ZSWIM4: variants seen among roughly 807,000 people sequenced by gnomAD.
ZSWIM4 encodes zinc finger SWIM domain-containing protein 4.
In ZSWIM4, 62 loss-of-function variants were observed where a neutral mutation model predicts 102.5. The ratio of observed to expected loss-of-function variants is 0.60; its 90% CI spans 0.49 to 0.75. The LOEUF (loss-of-function observed/expected upper bound fraction) is 0.75, where lower values mean the gene tolerates loss of function less well. ZSWIM4 is among the 30% of genes least tolerant of loss of function. The pLI is 0.00. For synonymous variants in ZSWIM4, 652 were observed against 674.5 expected, an observed-to-expected ratio of 0.97 and a Z score of 0.52; for missense variants, 1,280 against 1,529.6, an observed-to-expected ratio of 0.84 and a Z score of 2.72.
chr19:13,811,979 G>A (rs1041202779), intron 5 of ZSWIM4, among the ~76,000 whole-genome samples: 4 of 152,010 alleles, frequency 2.6e-5, no homozygotes, highest in Non-Finnish European at 5.9e-5. Context: ...GGAGGCTGAG[G>A]CAGGAGAATC....
rs34724629 is a variant in ZSWIM4, at chr19:13,832,230, C to CAAAAAAAAAAAA, written c.*1193_*1204dup. On this transcript the variant is annotated 3_prime_UTR_variant, in exon 14 of 14. Coordinates refer to ENST00000590508, the MANE Select transcript of ZSWIM4 (RefSeq NM_001367834.3). ...CACACCCTCAACCTCGTTTCCTCCGCAAAAAAAAAAAAAAAAAAAAAAAAT... is the reference window on the plus strand; with the variant it reads ...CACACCCTCAACCTCGTTTCCTCCGCAAAAAAAAAAAAAAAAAAAAAAAAAAAAAAAAAAAAT... 9 of 55,280 alleles carry CAAAAAAAAAAAA rather than the reference C, an allele frequency of 1.6e-4. 1 individual carries two copies. The highest frequency in any genetic ancestry group is 5.1e-4 in the African/African-American group (7 of 13,690). 3.4% of individuals were successfully genotyped at this position (55,280 alleles called of 1,614,324 possible).
chr19:13,800,805 A>G (rs2594720), intron 2 of ZSWIM4, among the ~76,000 whole-genome samples: 68,078 of 151,896 alleles, frequency 0.45, 18,594 homozygotes, highest in African/African-American at 0.78. Context: ...AACCAGAAAC[A>G]GGGGAGGAGA....
At position 13,808,992 on chromosome 19, in the gene ZSWIM4, G is replaced by GCGGGC. The variant is rs1568332040; in HGVS notation, c.861+12_861+16dup. Reference sequence around the variant, plus strand: ...CGCTCCATGTTCAGCAAGGTGCCGTGCGGGCCGGCGGGGCGCGGGGTGCAG... The same window carrying GCGGGC: ...CGCTCCATGTTCAGCAAGGTGCCGTGCGGGCCGGGCCGGCGGGGCGCGGGGTGCAG... On this transcript the variant is annotated intron_variant, in intron 4 of 13. Coordinates refer to ENST00000590508, the MANE Select transcript of ZSWIM4 (RefSeq NM_001367834.3). 1.4e-5 allele frequency: 23 copies of GCGGGC among 1,610,072 alleles called. No homozygotes were observed. The highest frequency in any genetic ancestry group is 1.9e-5 in the Non-Finnish European group (22 of 1,177,592).
intron 10 of ZSWIM4, among the ~76,000 whole-genome samples, chr19:13,821,708 C>G (rs1324337276): frequency 6.7e-6 from 1 of 148,692 alleles, no homozygotes; most frequent in Non-Finnish European, 1.5e-5. Flanking sequence ...TGTCACCATG[C>G]CTGGCTAGTT....
chr19:13,815,728 C>G (rs773222619), intron 7 of ZSWIM4, among the ~76,000 whole-genome samples: 1 of 151,550 alleles, frequency 6.6e-6, no homozygotes, highest in Admixed American at 6.6e-5. Flanking sequence ...CCTCAGCCTC[C>G]CAAAGTGCTG....
In ZSWIM4 at chr19:13,808,974, T is replaced by C. The variant is rs760461065; in HGVS notation, c.851T>C (p.Met284Thr). ...YYGASQQLRS[M>T]FSKVREMLRM... is the part of the protein sequence containing the mutation. ...GGGGCCAGCCAGCAGCTGCGCTCCA[T>C]GTTCAGCAAGGTGCCGTGCGGGCCG... Residue 284 changes from methionine (M) to threonine (T), a missense_variant, in exon 4 of 14, where the codon ATG becomes ACG. Coordinates refer to ENST00000590508, the MANE Select transcript of ZSWIM4 (RefSeq NM_001367834.3). 4.3e-6 allele frequency: 7 copies of C among 1,611,402 alleles called. No individual in the cohort carries two copies. The highest frequency in any genetic ancestry group is 1.1e-5 in the South Asian group (1 of 90,830).
chr19:13,812,937 G>C, intron 5 of ZSWIM4, 60 bp from the exon 6 acceptor site: 1 of 1,534,260 alleles, frequency 6.5e-7, no homozygotes, highest in Non-Finnish European at 8.9e-7. Context: ...TGGGCACTGC[G>C]GAAGTGTGTG....
rs202144110 is a variant in ZSWIM4, at chr19:13,825,629, G to T, written c.2295G>T (p.Ala765=). Reference sequence around the variant, plus strand: ...CTCCGGCCCTGCTCTTTAAGCTGGCGCAGGACGCCTGCAAGACAGCCACCC... The same window carrying T: ...CTCCGGCCCTGCTCTTTAAGCTGGCTCAGGACGCCTGCAAGACAGCCACCC... ...IHSPALLFKL[A]QDACKTATPV... is the part of the protein sequence containing the mutation. The change falls in exon 12 of 14, where the codon GCG becomes GCT. Residue 765 remains alanine (A), a synonymous_variant. Transcript: ENST00000590508. The surrounding 1 kb of genome is among the most constrained non-coding windows in gnomAD (Gnocchi z 4.6). 7.4e-6 allele frequency: 12 copies of T among 1,613,914 alleles called. No homozygotes were observed. The highest frequency in any genetic ancestry group is 1.7e-6 in the Non-Finnish European group (2 of 1,180,046).
At chr19:13,798,200 A>G (rs1216155130) in intron 1 of ZSWIM4, among the ~76,000 whole-genome samples, 1 of 152,046 alleles carries the variant, frequency 6.6e-6, no homozygotes, top group African/African-American at 2.4e-5. Flanking sequence ...GCGCAATGAC[A>G]CAATCATAAC....
intron 6 of ZSWIM4, 37 bp from the exon 7 acceptor site, chr19:13,814,478 C>A (rs1450368631): frequency 4.5e-6 from 5 of 1,106,956 alleles, no homozygotes; most frequent in Admixed American, 4.2e-5. Flanking sequence ...CTATAGGGAC[C>A]CCCCCTCACT....
chr19:13,816,243 G>A (rs554312707), intron 7 of ZSWIM4, among the ~76,000 whole-genome samples: 13 of 152,098 alleles, frequency 8.5e-5, no homozygotes, highest in African/African-American at 1.4e-4. Flanking sequence ...CCTGGGACCC[G>A]AGCAGAGCTC....
chr19:13,808,835 G>GGTGCCCCA lies in ZSWIM4; in HGVS notation c.714_721dup (p.Asp241ValfsTer28). On this transcript the variant is annotated frameshift_variant and splice_region_variant. Transcript: ENST00000590508. LOFTEE classifies it high-confidence loss of function. The stretch of plus-strand genomic sequence containing the variant: ...AGCTTCCTTTCCCTCCCTCCCGGCA[G>GGTGCCCCA]GTGCCCCAGACCCCACCGCCGGCGC... The GGTGCCCCA allele has an allele frequency of 6.3e-7, 1 of 1,599,680 alleles. No individual in the cohort carries two copies. Among genetic ancestry groups the GGTGCCCCA allele is most frequent in the Non-Finnish European group, 8.5e-7 (1 of 1,172,382 alleles).
chr19:13,813,021 T>C lies in ZSWIM4; in HGVS notation c.1037T>C (p.Leu346Pro). ...GGGGCCCTGTGGGTTTGCGTCGTCC[T>C]GAGCCCCCACTGCAAACCAGAGGAA... Reference protein sequence around the residue: ...ELGALWVCVVLSPHCKPEERA... With the variant: ...ELGALWVCVVPSPHCKPEERA... Residue 346 changes from leucine (L) to proline (P), a missense_variant, in exon 6 of 14, where the codon CTG becomes CCG. Coordinates refer to ENST00000590508, the MANE Select transcript of ZSWIM4 (RefSeq NM_001367834.3). 6.2e-7 allele frequency: 1 copy of C among 1,613,276 alleles called. No individual in the cohort carries two copies. Among genetic ancestry groups the C allele is most frequent in the Non-Finnish European group, 8.5e-7 (1 of 1,179,536 alleles).
At chr19:13,806,006 G>A (rs756966536) in intron 3 of ZSWIM4, among the ~76,000 whole-genome samples, 1 of 150,340 alleles carries the variant, frequency 6.7e-6, no homozygotes. Context: ...CAGTCACTGA[G>A]GGCAACTGAT....
intron 2 of ZSWIM4, among the ~76,000 whole-genome samples, chr19:13,802,654 C>T (rs1974806196): frequency 6.6e-6 from 1 of 152,094 alleles, no homozygotes; most frequent in Non-Finnish European, 1.5e-5. Context: ...TAATAGCTCA[C>T]TGCAGCCACA....
chr19:13,819,528 C>T, intron 10 of ZSWIM4, 36 bp downstream of exon 10: 1 of 1,383,330 alleles, frequency 7.2e-7, no homozygotes. Flanking sequence ...GCAGGGGGAG[C>T]TGGGGGGAAG....
intron 13 of ZSWIM4, 126 bp from the exon 14 acceptor site, chr19:13,830,065 G>A: frequency 8.0e-7 from 1 of 1,243,446 alleles, no homozygotes; most frequent in Non-Finnish European, 1.1e-6. Flanking sequence ...GATTTGGAAA[G>A]GAAGTTTCTG....
intron 5 of ZSWIM4, among the ~76,000 whole-genome samples, chr19:13,810,031 GGCTGGAGT>G (rs1313264639): frequency 6.6e-6 from 1 of 150,690 alleles, no homozygotes; most frequent in Non-Finnish European, 1.5e-5. Context: ...CTGTCATCCA[GGCTGGAGT>G]GCTGGAGTGC....
At chr19:13,818,868 CT>C (rs35655398) in intron 9 of ZSWIM4, among the ~76,000 whole-genome samples, 63 of 131,176 alleles carry the variant, frequency 4.8e-4, no homozygotes, top group South Asian at 3.8e-3. Context: ...CCTGCCTCCT[CT>C]TTTTTTTTTT....
Sources: gnomAD v4.1 joint callset for allele counts (sites outside exome capture counted in the v4.1 genomes callset) on GRCh38, gnomAD v4.1.1 for gene constraint, Gnocchi (gnomAD v3.1) non-coding constraint, MANE v1.5 for transcripts, NCBI Gene and HGNC (gene_info 2026-07-23, HGNC 2026-07-21) for gene names.